GUCY1A2: variants seen among roughly 807,000 people sequenced by gnomAD.
GUCY1A2 encodes the protein guanylate cyclase 1 soluble subunit alpha 2, also known as guanylate cyclase soluble subunit alpha-2.
Under a neutral mutation model 63.5 loss-of-function variants are expected in GUCY1A2, and 27 were observed. The ratio of observed to expected loss-of-function variants is 0.43; its 90% CI spans 0.31 to 0.59. The LOEUF (loss-of-function observed/expected upper bound fraction) is 0.59. Ranked by LOEUF, GUCY1A2 falls within the 20% of genes least tolerant of loss-of-function variation. The pLI, the probability that GUCY1A2 is intolerant of heterozygous loss-of-function variation, is 0.11. For synonymous variants in GUCY1A2, 364 were observed against 343.5 expected (o/e 1.06, Z -0.66); for missense variants, 768 against 913.3 (o/e 0.84, Z 2.05).
In GUCY1A2 at chr11:106,909,355, C is replaced by CTGTGTGTGTGTGTGTGTGTGTGTGTGTG. The variant is rs59067320; in HGVS notation, c.1206+30077_1206+30104dup. On this transcript the variant is annotated intron_variant, in intron 4 of 7. Coordinates refer to ENST00000526355, the MANE Select transcript of GUCY1A2 (RefSeq NM_000855.3). ...ATCTGATTTTCCTGGTGGTACTCAT[C>CTGTGTGTGTGTGTGTGTGTGTGTGTGTG]TGTGTGTGTGTGTGTGTGTGTGTGT... 9.8e-3 allele frequency among the ~76,000 whole-genome samples: 1,176 copies of CTGTGTGTGTGTGTGTGTGTGTGTGTGTG among 119,926 alleles called. 26 individuals are homozygous for CTGTGTGTGTGTGTGTGTGTGTGTGTGTG. Among genetic ancestry groups the CTGTGTGTGTGTGTGTGTGTGTGTGTGTG allele is most frequent in the Non-Finnish European group, 0.014 (804 of 58,592 alleles). 78.7% of individuals were successfully genotyped at this position (119,926 alleles called of 152,430 possible). A position where few individuals can be genotyped will look rare whatever the true frequency, so the allele number is the denominator to read the frequency against.
At chr11:106,739,302 T>C (rs1178481238) in intron 6 of GUCY1A2, among the ~76,000 whole-genome samples, 2 of 152,184 alleles carry the variant, frequency 1.3e-5, no homozygotes, top group East Asian at 1.9e-4. Context: ...GCCGAGACAA[T>C]TGTAAATATA....
At chr11:106,842,233 T>C (rs1859208651) in intron 4 of GUCY1A2, among the ~76,000 whole-genome samples, 2 of 152,074 alleles carry the variant, frequency 1.3e-5, no homozygotes, top group East Asian at 1.9e-4. Context: ...CCATCAAGAT[T>C]GACAGTGTTA....
At position 106,837,995 on chromosome 11, in the gene GUCY1A2, C is replaced by T. The variant is rs1440022709; in HGVS notation, c.1207-27517G>A. On this transcript the variant is annotated intron_variant, in intron 4 of 7. Coordinates refer to ENST00000526355, the MANE Select transcript of GUCY1A2 (RefSeq NM_000855.3). ...TTGCATCTTCTCTATTCTGAGCACACACTCTATGCTAATACTTTCCTCACA... is the reference window on the plus strand; with the variant it reads ...TTGCATCTTCTCTATTCTGAGCACATACTCTATGCTAATACTTTCCTCACA... Among the ~76,000 whole-genome samples the T allele has an allele frequency of 3.3e-5, 5 of 152,070 alleles. No individual in the cohort carries two copies. The East Asian group carries it at 7.8e-4, about 24-fold the overall frequency.
intron 6 of GUCY1A2, among the ~76,000 whole-genome samples, chr11:106,734,308 T>C (rs1340309479): frequency 6.6e-6 from 1 of 152,090 alleles, no homozygotes; most frequent in African/African-American, 2.4e-5. Flanking sequence ...AAATCAAAGA[T>C]ATATTTTGCT....
At chr11:106,912,627 T>C (rs1860311429) in intron 4 of GUCY1A2, among the ~76,000 whole-genome samples, 1 of 152,128 alleles carries the variant, frequency 6.6e-6, no homozygotes, top group African/African-American at 2.4e-5. Context: ...ATTCAATCAT[T>C]ATGAAGGCTT....
At chr11:106,901,531 A>G (rs1288307761) in intron 4 of GUCY1A2, among the ~76,000 whole-genome samples, 1 of 152,148 alleles carries the variant, frequency 6.6e-6, no homozygotes, top group Non-Finnish European at 1.5e-5. Context: ...TCTAGTGTAC[A>G]TGTGCACAAC....
intron 6 of GUCY1A2, among the ~76,000 whole-genome samples, chr11:106,760,416 TAAAGTGGGCCGAACTTCA>T (rs1414259236): frequency 6.6e-6 from 1 of 152,194 alleles, no homozygotes; most frequent in Admixed American, 6.5e-5. Context: ...TGTGAATTTC[TAAAGTGGGCCGAACTTCA>T]AGGAATGATA....
At chr11:106,982,569 C>T (rs531613566) in intron 2 of GUCY1A2, among the ~76,000 whole-genome samples, 32 of 152,206 alleles carry the variant, frequency 2.1e-4, no homozygotes, top group African/African-American at 4.1e-4. Context: ...CAACCTGACA[C>T]GATTGGAGTT....
rs554162462 is a variant in GUCY1A2 at position 106,759,891 on chromosome 11, C to T, written c.1836+16548G>A. 2.4e-4 allele frequency among the ~76,000 whole-genome samples: 37 copies of T among 152,256 alleles called. 1 individual carries two copies. Among genetic ancestry groups the T allele is most frequent in the African/African-American group, 7.5e-4 (31 of 41,552 alleles). On this transcript the variant is annotated intron_variant, in intron 6 of 7. Coordinates refer to ENST00000526355, the MANE Select transcript of GUCY1A2 (RefSeq NM_000855.3). ...CGAAGCTTGCAGTGAGCAGACATTG[C>T]GCCACAGCATTCCAGCCTAGGTGAC...
At chr11:106,754,282 A>G (rs1021979333) in intron 6 of GUCY1A2, among the ~76,000 whole-genome samples, 1 of 152,192 alleles carries the variant, frequency 6.6e-6, no homozygotes, top group Non-Finnish European at 1.5e-5. Flanking sequence ...TTCTAAATGT[A>G]CAATCATGTC....
At chr11:106,914,178 A>G (rs1040759106) in intron 4 of GUCY1A2, among the ~76,000 whole-genome samples, 2 of 152,034 alleles carry the variant, frequency 1.3e-5, no homozygotes, top group African/African-American at 4.8e-5. Context: ...GGGAGCATAT[A>G]CTAGGGGGTC....
At chr11:106,995,784 A>G (rs1006097807) in intron 1 of GUCY1A2, among the ~76,000 whole-genome samples, 1 of 152,258 alleles carries the variant, frequency 6.6e-6, no homozygotes, top group Non-Finnish European at 1.5e-5. Context: ...CTTACAGCCC[A>G]AAGATGCCAA....
chr11:106,925,393 C>T (rs1860508286), intron 4 of GUCY1A2, among the ~76,000 whole-genome samples: 1 of 151,956 alleles, frequency 6.6e-6, no homozygotes. Context: ...AGTTTTATAC[C>T]AAGAGGTATG....
chr11:106,709,434 TATATAATAA>T (rs1863002173), intron 6 of GUCY1A2, among the ~76,000 whole-genome samples: 1 of 89,370 alleles, frequency 1.1e-5, no homozygotes, highest in African/African-American at 5.0e-5. Context: ...TATATAAGTA[TATATAATAA>T]TATATATTCT....
At chr11:106,890,407 T>C (rs866056799) in intron 4 of GUCY1A2, among the ~76,000 whole-genome samples, 1 of 152,212 alleles carries the variant, frequency 6.6e-6, no homozygotes, top group Non-Finnish European at 1.5e-5. Flanking sequence ...CTGCTGATAC[T>C]CTTCAGGATG....
intron 4 of GUCY1A2, chr11:106,826,483 A>T: frequency 1.9e-5 from 30 of 1,600,990 alleles, no homozygotes; most frequent in Middle Eastern, 1.7e-4. Flanking sequence ...TAGGTTTTCA[A>T]ATGTTTCTTC....
intron 5 of GUCY1A2, among the ~76,000 whole-genome samples, chr11:106,791,810 C>T (rs1295867344): frequency 6.6e-6 from 1 of 152,048 alleles, no homozygotes; most frequent in Non-Finnish European, 1.5e-5. Flanking sequence ...CATTTGATTC[C>T]TTTAGAACAC....
intron 4 of GUCY1A2, among the ~76,000 whole-genome samples, chr11:106,844,091 T>C (rs1380951610): frequency 6.6e-6 from 1 of 151,886 alleles, no homozygotes; most frequent in African/African-American, 2.4e-5. Context: ...TATTTTCAAA[T>C]ACAAAGAAAA....
chr11:106,903,456 G>C (rs1860162034), intron 4 of GUCY1A2, among the ~76,000 whole-genome samples: 1 of 152,048 alleles, frequency 6.6e-6, no homozygotes, highest in Non-Finnish European at 1.5e-5. Context: ...ATAAAACCAA[G>C]ACAACTAATA....
Sources: allele counts gnomAD v4.1 joint callset (sites outside exome capture counted in the v4.1 genomes callset), GRCh38; gene constraint gnomAD v4.1.1; transcripts MANE v1.5; gene names NCBI Gene and HGNC (gene_info 2026-07-23, HGNC 2026-07-21).